The following MYOM2 variants were observed in gnomAD, a reference collection of about 807,000 sequenced individuals.
MYOM2 encodes the protein myomesin 2.
In MYOM2, 254 loss-of-function variants were observed where a neutral mutation model predicts 187.6. That is an observed-to-expected ratio of 1.35 (90% CI 1.22 to 1.50). The LOEUF (loss-of-function observed/expected upper bound fraction) is 1.50. Among genes scored for constraint, MYOM2 ranks in the 40% most tolerant of loss-of-function variants. The pLI is 0.00. For missense variants in MYOM2, 2,796 were observed against 1,924.0 expected, an observed-to-expected ratio of 1.45 and a Z score of -8.48; for synonymous variants, 981 against 753.8, an observed-to-expected ratio of 1.30 and a Z score of -4.94.
At chr8:2,066,521 C>A (rs962463975) in intron 6 of MYOM2, among the ~76,000 whole-genome samples, 33 of 152,288 alleles carry the variant, frequency 2.2e-4, no homozygotes, top group African/African-American at 7.2e-4. Context: ...TTGGAGAATG[C>A]ATTTTTGAAA....
chr8:2,045,598 A>T (rs1818286081), intron 1 of MYOM2, among the ~76,000 whole-genome samples: 1 of 152,234 alleles, frequency 6.6e-6, no homozygotes, highest in South Asian at 2.1e-4. Context: ...TTCTTAAGGG[A>T]AAAAAGAGTC....
At chr8:2,111,612 T>C (rs1217738263) in intron 25 of MYOM2, among the ~76,000 whole-genome samples, 1 of 152,196 alleles carries the variant, frequency 6.6e-6, no homozygotes, top group African/African-American at 2.4e-5. Context: ...CTCCACACTG[T>C]AAAGAAATCC....
rs1819261433 is a variant in MYOM2, at chr8:2,072,407, G to T, written c.856G>T (p.Val286Phe). 1 of 1,614,072 alleles carries T rather than the reference G, an allele frequency of 6.2e-7. No homozygotes were observed. The highest frequency in any genetic ancestry group is 8.5e-7 in the Non-Finnish European group (1 of 1,180,060). Reference protein sequence around the residue: ...FDVQFLEKFGVTFRREGETVT... With the variant: ...FDVQFLEKFGFTFRREGETVT... Reference sequence around the variant, plus strand: ...CGTCCAGTTTTTGGAGAAGTTTGGGGTCACCTTCAGGAGGGAAGGCGAGAC... The same window carrying T: ...CGTCCAGTTTTTGGAGAAGTTTGGGTTCACCTTCAGGAGGGAAGGCGAGAC... Residue 286 changes from valine to phenylalanine, a missense_variant, in exon 9 of 37, where the codon GTC (valine) becomes TTC (phenylalanine). Transcript: ENST00000262113.
Position 2,120,771 on chromosome 8 carries a change from TGAAA to T in MYOM2, c.3454-2476_3454-2473del, listed in dbSNP as rs566191217. Among the ~76,000 whole-genome samples, 1,045 of 134,400 alleles carry T rather than the reference TGAAA, an allele frequency of 7.8e-3. 4 individuals are homozygous for T. Among genetic ancestry groups the T allele is most frequent in the Middle Eastern group, 0.026 (7 of 268 alleles). The allele number at this position is 134,400 out of a possible 152,430, so 88.2% of individuals were successfully genotyped here. ...ATACTGTTTTCCCTTCCTCTCTTCT[TGAAA>T]GAAATTTATATAGATATATAATTGA... On this transcript the variant is annotated intron_variant, in intron 28 of 36. Coordinates refer to ENST00000262113, the MANE Select transcript of MYOM2 (RefSeq NM_003970.4).
intron 14 of MYOM2, among the ~76,000 whole-genome samples, chr8:2,088,933 C>G (rs551273527): frequency 1.3e-5 from 2 of 152,328 alleles, no homozygotes; most frequent in South Asian, 2.1e-4. Context: ...AGAGGAAGCT[C>G]TCCTATAGAC....
chr8:2,144,653 T>A lies in MYOM2; in HGVS notation c.4081-11T>A, dbSNP rs1205668160. ...AACTCTTCCTTCTCCACCAACCTCT[T>A]CCGTCCAAAGACCTTGAATCTGACC... On this transcript the variant is annotated splice_polypyrimidine_tract_variant and intron_variant, in intron 36 of 36. Coordinates refer to ENST00000262113, the MANE Select transcript of MYOM2 (RefSeq NM_003970.4). 1 of 1,612,144 alleles carries A rather than the reference T, an allele frequency of 6.2e-7. No individual in the cohort carries two copies. Among genetic ancestry groups the A allele is most frequent in the Admixed American group, 1.7e-5 (1 of 59,086 alleles).
At chr8:2,087,742 C>T (rs1453154107) in intron 14 of MYOM2, among the ~76,000 whole-genome samples, 1 of 152,236 alleles carries the variant, frequency 6.6e-6, no homozygotes, top group Non-Finnish European at 1.5e-5. Flanking sequence ...CCCTAACACC[C>T]AGAGTAGCTG....
intron 32 of MYOM2, among the ~76,000 whole-genome samples, chr8:2,131,843 C>G (rs1285053871): frequency 6.6e-6 from 1 of 151,950 alleles, no homozygotes; most frequent in Non-Finnish European, 1.5e-5. Flanking sequence ...TGGGGTTTCA[C>G]CGTGTTAGCC....
intron 18 of MYOM2, among the ~76,000 whole-genome samples, chr8:2,097,320 C>A (rs1199810613): frequency 6.6e-6 from 1 of 152,128 alleles, no homozygotes; most frequent in East Asian, 1.9e-4. Flanking sequence ...TGATCCCTTA[C>A]AATGTCTAAA....
chr8:2,048,736 G>A (rs887197667), intron 1 of MYOM2, among the ~76,000 whole-genome samples: 2 of 151,972 alleles, frequency 1.3e-5, no homozygotes, highest in African/African-American at 4.8e-5. Flanking sequence ...ATATCAGGGC[G>A]GGTGGAGGAG....
At chr8:2,099,568 A>C (rs566875319) in intron 19 of MYOM2, among the ~76,000 whole-genome samples, 47 of 152,208 alleles carry the variant, frequency 3.1e-4, no homozygotes, top group African/African-American at 7.9e-4. Context: ...GCAGACCTGC[A>C]TTTATTTAGC....
chr8:2,139,711 A>G (rs1386497226), intron 32 of MYOM2, among the ~76,000 whole-genome samples: 2 of 152,200 alleles, frequency 1.3e-5, no homozygotes, highest in East Asian at 3.9e-4. Flanking sequence ...GTGGCCCTGG[A>G]GTCCGTCCTG....
intron 1 of MYOM2, among the ~76,000 whole-genome samples, chr8:2,049,754 C>A (rs969518948): frequency 1.3e-5 from 2 of 152,232 alleles, no homozygotes; most frequent in South Asian, 4.1e-4. Flanking sequence ...CCCTACGTAA[C>A]TTTGCCGTGA....
intron 28 of MYOM2, 103 bp from the exon 29 acceptor site, chr8:2,123,149 G>A: frequency 1.3e-6 from 1 of 747,590 alleles, no homozygotes; most frequent in Non-Finnish European, 2.1e-6. Context: ...AAAAACTAAG[G>A]TTTTTTGAGG....
rs770156526 is a variant in MYOM2, at chr8:2,096,331, G to A, written c.2210G>A (p.Ser737Asn). 6.2e-7 allele frequency: 1 copy of A among 1,614,224 alleles called. No individual in the cohort carries two copies. The highest frequency in any genetic ancestry group is 1.3e-5 in the African/African-American group (1 of 75,072). ...MTLGWKVPKF[S>N]GGSPILGYYL... is the part of the protein sequence containing the mutation. ...CTCGGCTGGAAGGTCCCGAAATTCA[G>A]TGGTGGCTCGCCCATCCTGGGCTAC... The change falls in exon 18 of 37, where the codon AGT becomes AAT. Residue 737 changes from serine (S) to asparagine (N), a missense_variant. Physicochemically the swap from Ser to Asn is conservative, Grantham distance 46 (BLOSUM62 1). Coordinates refer to ENST00000262113, the MANE Select transcript of MYOM2 (RefSeq NM_003970.4).
At chr8:2,128,512 T>G (rs745648411) in intron 31 of MYOM2, among the ~76,000 whole-genome samples, 2 of 152,242 alleles carry the variant, frequency 1.3e-5, no homozygotes, top group African/African-American at 2.4e-5. Context: ...TCAGTGCTAC[T>G]TCCTTATCTT....
chr8:2,084,293 G>A (rs1819733200), intron 13 of MYOM2, among the ~76,000 whole-genome samples: 1 of 152,150 alleles, frequency 6.6e-6, no homozygotes, highest in African/African-American at 2.4e-5. Flanking sequence ...CTCAGCCTGC[G>A]TTGCCTCTGA....
At position 2,102,765 on chromosome 8, in the gene MYOM2, G is replaced by T; in HGVS notation, c.2718G>T (p.Leu906=). 6.2e-7 allele frequency: 1 copy of T among 1,613,514 alleles called. No homozygotes were observed. The highest frequency in any genetic ancestry group is 1.7e-4 in the Middle Eastern group (1 of 6,060). ...CCTCAGACACGTCGGAGCCTGTGCT[G>T]GTAGAGGCGAGACCAGGTAAGGCTT... is the stretch of plus-strand genomic sequence containing the variant. ...GKPSDTSEPV[L]VEARPGTKEI... The change falls in exon 21 of 37, where the codon CTG becomes CTT. Residue 906 remains leucine (L), a synonymous_variant. Coordinates refer to ENST00000262113, the MANE Select transcript of MYOM2 (RefSeq NM_003970.4).
At chr8:2,065,066 T>C (rs752977902) in intron 6 of MYOM2, among the ~76,000 whole-genome samples, 5 of 152,264 alleles carry the variant, frequency 3.3e-5, no homozygotes, top group African/African-American at 7.2e-5. Context: ...TAACATTATA[T>C]GATAAAACCA....
Sources: allele counts gnomAD v4.1 joint callset (sites outside exome capture counted in the v4.1 genomes callset), GRCh38; gene constraint gnomAD v4.1.1; transcripts MANE v1.5; gene names NCBI Gene and HGNC (gene_info 2026-07-23, HGNC 2026-07-21).